Variants in UEVLD observed in about 807,000 individuals in gnomAD.
The protein encoded by UEVLD is UEV and lactate/malate dehyrogenase domains.
A neutral mutation model predicts 58.6 loss-of-function variants in UEVLD; 47 were observed. The ratio of observed to expected loss-of-function variants is 0.80; its 90% confidence interval spans 0.63 to 1.02. The LOEUF (loss-of-function observed/expected upper bound fraction) is 1.02. UEVLD is among the 50% of genes least tolerant of loss of function. The pLI is 0.00. For missense variants in UEVLD, 510 were observed against 550.6 expected (o/e 0.93, Z 0.74); for synonymous variants, 197 against 195.3 (o/e 1.01, Z -0.07).
chr11:18,572,211 G>T (rs1852660660), intron 3 of UEVLD, among the ~76,000 whole-genome samples: 1 of 152,158 alleles, frequency 6.6e-6, no homozygotes, highest in East Asian at 1.9e-4. Flanking sequence ...ACTCCAGCCT[G>T]GGCGACAGTG....
rs926452772 is a variant in UEVLD at position 18,530,982 on chromosome 11, C to T, written c.*1338G>A. On this transcript the variant is annotated 3_prime_UTR_variant, in exon 12 of 12. Transcript: ENST00000396197. The stretch of plus-strand genomic sequence containing the variant: ...CCTCGTGATCTGCCCGCCTCAGCCT[C>T]CCAAGGTGCTGGGATTACAGGCGTG... 1 of 152,242 alleles carries T rather than the reference C, an allele frequency of 6.6e-6. No individual in the cohort carries two copies. The highest frequency in any genetic ancestry group is 6.5e-5 in the Admixed American group (1 of 15,284). 9.4% of individuals were successfully genotyped at this position (152,242 alleles called of 1,614,324 possible).
chr11:18,576,965 T>C (rs1033568788), intron 2 of UEVLD, among the ~76,000 whole-genome samples: 1 of 152,102 alleles, frequency 6.6e-6, no homozygotes, highest in Non-Finnish European at 1.5e-5. Flanking sequence ...GGTGGATCAC[T>C]TGAGGTCAGG....
intron 6 of UEVLD, among the ~76,000 whole-genome samples, chr11:18,562,200 C>G (rs1852068379): frequency 6.6e-6 from 1 of 152,054 alleles, no homozygotes; most frequent in South Asian, 2.1e-4. Context: ...TCCTCAGCCA[C>G]CCAAGTTGCT....
intron 7 of UEVLD, 50 bp from the exon 8 acceptor site, chr11:18,547,100 A>C (rs769273375): frequency 1.3e-5 from 20 of 1,554,396 alleles, no homozygotes; most frequent in Admixed American, 2.1e-5. Context: ...GCTTTAATCA[A>C]GTTCTAGTTC....
Position 18,534,376 on chromosome 11 carries a change from A to C in UEVLD, c.1202T>G (p.Ile401Ser). Residue 401 changes from isoleucine to serine, a missense_variant, in exon 11 of 12, where the codon ATT (isoleucine) becomes AGT (serine). By Grantham distance (142) the Ile-to-Ser change is moderately radical. Transcript: ENST00000396197. ...ATGCACTTTCTTCTTATTGTTTACA[A>C]TACTGTCAACCATGTCAGCTACTGA... ...GLSVADMVDS[I>S]VNNKKKVHSV... 1 of 1,573,668 alleles carries C rather than the reference A, an allele frequency of 6.4e-7. No homozygotes were observed. The highest frequency in any genetic ancestry group is 1.2e-5 in the South Asian group (1 of 81,892).
chr11:18,586,575 C>G (rs1853572602), intron 1 of UEVLD, among the ~76,000 whole-genome samples: 1 of 152,120 alleles, frequency 6.6e-6, no homozygotes, highest in Admixed American at 6.6e-5. Context: ...GGCTGGCAAG[C>G]AGTGGCACAA....
At chr11:18,558,398 T>G in intron 6 of UEVLD, 68 bp from the exon 7 acceptor site, 1 of 1,103,530 alleles carries the variant, frequency 9.1e-7, no homozygotes, top group Non-Finnish European at 1.3e-6. Context: ...CATTCAACAA[T>G]GAGGACTAAA....
chr11:18,577,443 T>A (rs1459888460), intron 2 of UEVLD, among the ~76,000 whole-genome samples: 1 of 152,216 alleles, frequency 6.6e-6, no homozygotes, highest in Non-Finnish European at 1.5e-5. Flanking sequence ...CATCAGTAAC[T>A]GGGACACACT....
intron 5 of UEVLD, 87 bp from the exon 6 acceptor site, chr11:18,565,097 T>G: frequency 1.1e-6 from 1 of 943,754 alleles, no homozygotes; most frequent in Non-Finnish European, 1.6e-6. Flanking sequence ...GCAGGCTTCA[T>G]AGCTTAGAGA....
At chr11:18,536,319 T>C in intron 10 of UEVLD, 87 bp downstream of exon 10, 1 of 1,264,012 alleles carries the variant, frequency 7.9e-7, no homozygotes, top group Non-Finnish European at 1.1e-6. Context: ...TCCAGAAGCC[T>C]GGTTAAGTAC....
At chr11:18,572,080 C>CA (rs1565136482) in intron 3 of UEVLD, among the ~76,000 whole-genome samples, 1 of 151,792 alleles carries the variant, frequency 6.6e-6, no homozygotes, top group Non-Finnish European at 1.5e-5. Flanking sequence ...ACTAAAAATA[C>CA]AAAAAATTAG....
At chr11:18,549,367 C>A (rs185038152) in intron 7 of UEVLD, among the ~76,000 whole-genome samples, 2 of 152,202 alleles carry the variant, frequency 1.3e-5, no homozygotes, top group African/African-American at 4.8e-5. Context: ...GCTTCCTCAT[C>A]TTCAAGGTTG....
rs60959151 is a variant in UEVLD, at chr11:18,545,075, T to TATA, written c.887-280_887-279insTAT. Among the ~76,000 whole-genome samples the TATA allele has an allele frequency of 1.9e-3, 225 of 117,218 alleles. 6 individuals are homozygous for TATA. Among genetic ancestry groups the TATA allele is most frequent in the African/African-American group, 7.4e-3 (208 of 28,168 alleles). The allele number at this position is 117,218 out of a possible 152,430, so 76.9% of individuals were successfully genotyped here. On this transcript the variant is annotated intron_variant, in intron 8 of 11. Coordinates refer to ENST00000396197, the MANE Select transcript of UEVLD (RefSeq NM_001040697.4). Reference sequence around the variant, plus strand: ...ATCTATATCTATATCTATATCTATATTTTTTTTTTTTTTTTGAGATGGAGT... The same window carrying TATA: ...ATCTATATCTATATCTATATCTATATATATTTTTTTTTTTTTTTGAGATGGAGT...
intron 10 of UEVLD, among the ~76,000 whole-genome samples, 178 bp from the exon 11 acceptor site, chr11:18,534,631 CAGAT>C (rs756118158): frequency 5.9e-5 from 9 of 152,172 alleles, no homozygotes; most frequent in African/African-American, 1.7e-4. Context: ...CCTAAGATGT[CAGAT>C]AGGCAGTTCA....
At chr11:18,569,986 A>G (rs928219524) in intron 4 of UEVLD, 1 of 325,154 alleles carries the variant, frequency 3.1e-6, no homozygotes, top group Admixed American at 4.7e-5. Flanking sequence ...CAGGGAGCAA[A>G]CAGTTGGCTC....
rs1590353865 is a variant in UEVLD at position 18,566,469 on chromosome 11, A to G, written c.371T>C (p.Ile124Thr). 1 of 1,613,952 alleles carries G rather than the reference A, an allele frequency of 6.2e-7. No homozygotes were observed. The highest frequency in any genetic ancestry group is 8.5e-7 in the Non-Finnish European group (1 of 1,180,006). The part of the protein sequence containing the change: ...LQNWSHPKSV[I>T]VGLIKEMIAK... ...AATCATTTCTTTAATTAATCCAACA[A>G]TGACAGATTTAGGCTGTAGAATACA... The change falls in exon 5 of 12, where the codon ATT becomes ACT. Residue 124 changes from isoleucine to threonine, a missense_variant. Transcript: ENST00000396197.
rs1366427140 is a variant in UEVLD at position 18,575,046 on chromosome 11, A to G, written c.193+301T>C. Among the ~76,000 whole-genome samples, 3 of 152,114 alleles carry G rather than the reference A, an allele frequency of 2.0e-5. No individual in the cohort carries two copies. In the East Asian group the frequency reaches 5.8e-4, roughly 29 times the overall value. The stretch of plus-strand genomic sequence containing the variant: ...ACTTTGAAAGAAGTCCCCCCAAAAT[A>G]CAGCTTCCTAGTGTCTTTTGGGCAA... On this transcript the variant is annotated intron_variant, in intron 3 of 11. Coordinates refer to ENST00000396197, the MANE Select transcript of UEVLD (RefSeq NM_001040697.4).
intron 6 of UEVLD, chr11:18,563,625 T>A (rs913025635): frequency 3.2e-6 from 3 of 936,422 alleles, no homozygotes; most frequent in Non-Finnish European, 3.8e-6. Context: ...AAATAAAAAT[T>A]CAGATGAGAA....
intron 6 of UEVLD, chr11:18,563,685 C>A: frequency 1.0e-6 from 1 of 985,394 alleles, no homozygotes. Flanking sequence ...TGACAAAAGA[C>A]TGAATACAAC....
Sources: gnomAD v4.1 joint callset for allele counts (sites outside exome capture counted in the v4.1 genomes callset) on GRCh38, gnomAD v4.1.1 for gene constraint, MANE v1.5 for transcripts, NCBI Gene and HGNC (gene_info 2026-07-23, HGNC 2026-07-21) for gene names.